TRPM3: variants seen among roughly 807,000 people sequenced by gnomAD.
TRPM3 encodes the protein long transient receptor potential channel 3.
Under a neutral mutation model 181.2 loss-of-function variants are expected in TRPM3, and 77 were observed. The observed-to-expected ratio is 0.42, with a 90% confidence interval of 0.35 to 0.51. The LOEUF is 0.51. TRPM3 is among the 20% of genes least tolerant of loss of function. The pLI is 0.01. For synonymous variants in TRPM3, 745 were observed against 796.4 expected (o/e 0.94, Z 1.09); for missense variants, 1,759 against 2,196.7 (o/e 0.80, Z 3.98).
chr9:70,739,558 G>C (rs2073533323), intron 8 of TRPM3, among the ~76,000 whole-genome samples: 1 of 151,640 alleles, frequency 6.6e-6, no homozygotes, highest in African/African-American at 2.4e-5. Flanking sequence ...ATTCCCCTGA[G>C]AACTGGAACA....
intron 1 of TRPM3, among the ~76,000 whole-genome samples, chr9:71,007,417 A>AT (rs1260322829): frequency 6.6e-6 from 1 of 152,056 alleles, no homozygotes; most frequent in African/African-American, 2.4e-5. Context: ...ACATTTTTCC[A>AT]TTTTTTCTCA....
intron 7 of TRPM3, chr9:70,783,813 A>G (rs1476448537): frequency 2.6e-5 from 27 of 1,036,408 alleles, no homozygotes; most frequent in South Asian, 8.1e-5. Context: ...GGAGGAGGAG[A>G]AGGAGATACG....
At chr9:71,412,650 G>A (rs1340320737) in intron 1 of TRPM3, among the ~76,000 whole-genome samples, 2 of 152,152 alleles carry the variant, frequency 1.3e-5, no homozygotes, top group African/African-American at 4.8e-5. Context: ...ACTGTTTGTG[G>A]AGATGTAAAC....
intron 1 of TRPM3, among the ~76,000 whole-genome samples, chr9:71,236,845 G>A (rs978719109): frequency 8.5e-5 from 13 of 152,064 alleles, no homozygotes; most frequent in Admixed American, 1.3e-4. Context: ...TCAGGAGTTC[G>A]AGGCTAGCCT....
At position 70,618,863 on chromosome 9, in the gene TRPM3, T is replaced by G. The variant is rs2063191102; in HGVS notation, c.2358+4A>C. ...GCCAGGAGGGCCTTATTGGGCGCCC[T>G]GACCTTGAGGCCTGAGTTCTTGCGC... On this transcript the variant is annotated splice_donor_region_variant and intron_variant, in intron 17 of 25. Coordinates refer to ENST00000677713, the MANE Select transcript of TRPM3 (RefSeq NM_001366145.2). The G allele has an allele frequency of 3.7e-6, 6 of 1,603,770 alleles. No homozygotes were observed. Among genetic ancestry groups the G allele is most frequent in the Non-Finnish European group, 3.4e-6 (4 of 1,179,854 alleles).
intron 9 of TRPM3, among the ~76,000 whole-genome samples, chr9:70,679,199 T>C (rs988120423): frequency 1.3e-5 from 2 of 152,234 alleles, no homozygotes; most frequent in African/African-American, 4.8e-5. Context: ...CCCAATTTCA[T>C]TGCATATTGC....
chr9:70,915,235 AAG>A (rs1337876351), intron 1 of TRPM3, among the ~76,000 whole-genome samples: 1 of 152,186 alleles, frequency 6.6e-6, no homozygotes, highest in African/African-American at 2.4e-5. Context: ...AAATTTAACA[AAG>A]AGATTGAAAT....
chr9:70,589,600 A>T (rs920080695), intron 22 of TRPM3, among the ~76,000 whole-genome samples: 2 of 152,144 alleles, frequency 1.3e-5, no homozygotes, highest in African/African-American at 4.8e-5. Context: ...TCTCAAAAGG[A>T]TTTTCCCCAG....
chr9:70,797,049 G>A (rs1279390391), intron 6 of TRPM3, among the ~76,000 whole-genome samples: 1 of 152,204 alleles, frequency 6.6e-6, no homozygotes, highest in Non-Finnish European at 1.5e-5. Context: ...AGGATTGCTT[G>A]AGCCCAGGAG....
intron 1 of TRPM3, among the ~76,000 whole-genome samples, chr9:71,175,370 G>T (rs758194298): frequency 1.7e-4 from 26 of 152,268 alleles, no homozygotes; most frequent in Non-Finnish European, 2.2e-4. Context: ...AGCTGAGACA[G>T]GTCCAAGGAT....
intron 9 of TRPM3, among the ~76,000 whole-genome samples, chr9:70,660,403 T>A (rs934420531): frequency 1.3e-5 from 2 of 152,124 alleles, no homozygotes; most frequent in Non-Finnish European, 2.9e-5. Flanking sequence ...AAGCCCCCTC[T>A]CTGCTTCGAG....
intron 1 of TRPM3, among the ~76,000 whole-genome samples, chr9:71,056,455 C>T (rs183626148): frequency 1.3e-5 from 2 of 152,112 alleles, no homozygotes; most frequent in Admixed American, 6.5e-5. Context: ...GAGTGTCACA[C>T]TGTGAATTCT....
intron 1 of TRPM3, among the ~76,000 whole-genome samples, chr9:71,157,033 A>T (rs984675578): frequency 2.0e-5 from 3 of 152,130 alleles, no homozygotes; most frequent in African/African-American, 7.2e-5. Flanking sequence ...AAAGATATAA[A>T]TGCTCCACTT....
At chr9:70,602,754 C>T (rs543958203) in intron 20 of TRPM3, among the ~76,000 whole-genome samples, 1 of 152,262 alleles carries the variant, frequency 6.6e-6, no homozygotes, top group Admixed American at 6.5e-5. Flanking sequence ...TTTGAAGGCT[C>T]CTTTTAGGCC....
intron 1 of TRPM3, among the ~76,000 whole-genome samples, chr9:71,040,981 A>T (rs1282571279): frequency 2.6e-5 from 4 of 152,196 alleles, no homozygotes; most frequent in Non-Finnish European, 4.4e-5. Context: ...GACTGGAGGC[A>T]ACATGGGACC....
At chr9:70,557,285 T>A (rs2047946522) in intron 22 of TRPM3, among the ~76,000 whole-genome samples, 1 of 152,174 alleles carries the variant, frequency 6.6e-6, no homozygotes, top group Admixed American at 6.5e-5. Flanking sequence ...CTGAGGAACA[T>A]TATCTAGTTT....
chr9:70,571,892 C>T (rs2052498983), intron 22 of TRPM3, among the ~76,000 whole-genome samples: 1 of 152,122 alleles, frequency 6.6e-6, no homozygotes, highest in African/African-American at 2.4e-5. Context: ...GAGGCTTCTG[C>T]TTTTTGTGTT....
At chr9:71,281,309 A>C (rs2084688644) in intron 1 of TRPM3, among the ~76,000 whole-genome samples, 2 of 152,242 alleles carry the variant, frequency 1.3e-5, no homozygotes, top group South Asian at 4.1e-4. Flanking sequence ...ACAGAGTTGA[A>C]TGACCATTAA....
intron 7 of TRPM3, among the ~76,000 whole-genome samples, chr9:70,772,017 C>G (rs11142583): frequency 0.43 from 65,749 of 151,842 alleles, 15,052 homozygotes; most frequent in African/African-American, 0.59. Context: ...AAATATCTAT[C>G]GAATGACTAA....
Sources: gnomAD v4.1 joint callset for allele counts (sites outside exome capture counted in the v4.1 genomes callset) on GRCh38, gnomAD v4.1.1 for gene constraint, MANE v1.5 for transcripts, NCBI Gene and HGNC (gene_info 2026-07-23, HGNC 2026-07-21) for gene names.